CPS1: variants seen among roughly 807,000 people sequenced by gnomAD.
CPS1 encodes carbamoyl-phosphate synthase [ammonia], mitochondrial.
Under a neutral mutation model 174.6 loss-of-function variants are expected in CPS1, and 109 were observed. The ratio of observed to expected loss-of-function variants is 0.62; its 90% CI spans 0.53 to 0.73. The LOEUF (loss-of-function observed/expected upper bound fraction) is 0.73, where lower values mean the gene tolerates loss of function less well. Ranked by LOEUF, CPS1 falls within the 30% of genes least tolerant of loss-of-function variation. CPS1 has a pLI of 0.00. For missense variants in CPS1, 1,689 were observed against 1,821.9 expected (o/e 0.93, Z 1.33); for synonymous variants, 637 against 632.0 (o/e 1.01, Z -0.12).
intron 24 of CPS1, among the ~76,000 whole-genome samples, chr2:210,641,438 A>C (rs1700221339): frequency 2.0e-5 from 3 of 152,038 alleles, no homozygotes; most frequent in Admixed American, 1.3e-4. Flanking sequence ...CTTTTCTATA[A>C]CAGCATTAAT....
intron 1 of CPS1, among the ~76,000 whole-genome samples, chr2:210,499,619 T>G (rs1156956630): frequency 6.6e-6 from 1 of 152,350 alleles, no homozygotes; most frequent in South Asian, 2.1e-4. Flanking sequence ...GTCCTGGGTC[T>G]GAGAAAATGC....
intron 6 of CPS1, 21 bp from the exon 7 acceptor site, chr2:210,588,037 C>G (rs1395485264): frequency 6.2e-7 from 1 of 1,610,054 alleles, no homozygotes; most frequent in South Asian, 1.1e-5. Flanking sequence ...CCCTCTCATT[C>G]TCTGGTTTTT....
chr2:210,501,171 T>C (rs1695129584), intron 1 of CPS1, among the ~76,000 whole-genome samples: 1 of 152,088 alleles, frequency 6.6e-6, no homozygotes, highest in Non-Finnish European at 1.5e-5. Context: ...GCCCTGGACC[T>C]GGTCCCAGGA....
At chr2:210,501,208 G>A (rs1165258173) in intron 1 of CPS1, among the ~76,000 whole-genome samples, 4 of 152,036 alleles carry the variant, frequency 2.6e-5, no homozygotes, top group Non-Finnish European at 4.4e-5. Context: ...CAGGCCTCTG[G>A]GCCTATAATG....
In CPS1 at chr2:210,543,993, T is replaced by G. The variant is rs74728520; in HGVS notation, c.4-12726T>G. 3.2e-3 allele frequency among the ~76,000 whole-genome samples: 487 copies of G among 152,238 alleles called. 2 individuals carry two copies. The highest frequency in any genetic ancestry group is 8.3e-3 in the South Asian group (40 of 4,826). On this transcript the variant is annotated intron_variant, in intron 1 of 38. Coordinates refer to the CPS1 transcript ENST00000430249. ...TTTGTGTTCCTTTGGTGCTCTCTTC[T>G]GGGATCATAGGGCTTGATGGATATT...
chr2:210,534,933 A>G (rs190491890), intron 1 of CPS1, among the ~76,000 whole-genome samples: 1 of 152,276 alleles, frequency 6.6e-6, no homozygotes, highest in East Asian at 1.9e-4. Flanking sequence ...TTGCTGAGAC[A>G]TAGCAGTTCT....
At chr2:210,616,647 A>G in intron 21 of CPS1, 106 bp downstream of exon 21, 1 of 794,732 alleles carries the variant, frequency 1.3e-6, no homozygotes, top group Non-Finnish European at 2.2e-6. Context: ...TCAATGAGGT[A>G]GATAGTGCCA....
intron 21 of CPS1, among the ~76,000 whole-genome samples, chr2:210,624,412 G>A (rs529319549): frequency 2.7e-4 from 41 of 152,130 alleles, no homozygotes; most frequent in South Asian, 2.7e-3. Context: ...CATACTCCAA[G>A]CCATTTATAT....
At chr2:210,577,128 C>G (rs934518906) in intron 3 of CPS1, 33 of 423,032 alleles carry the variant, frequency 7.8e-5, no homozygotes, top group Non-Finnish European at 1.3e-4. Flanking sequence ...TGCATTAAGC[C>G]AGTAATTATT....
intron 1 of CPS1, among the ~76,000 whole-genome samples, chr2:210,496,660 A>G (rs1266880975): frequency 1.3e-5 from 2 of 152,070 alleles, no homozygotes; most frequent in African/African-American, 4.8e-5. Flanking sequence ...CCTACATAGA[A>G]CTTAACCTTA....
At chr2:210,611,992 G>A in intron 19 of CPS1, 125 bp from the exon 20 acceptor site, 3 of 784,438 alleles carry the variant, frequency 3.8e-6, no homozygotes, top group Non-Finnish European at 6.0e-6. Flanking sequence ...TTTAATTTGA[G>A]AGGCTTTATG....
At chr2:210,612,498 G>T (rs935979961) in intron 20 of CPS1, among the ~76,000 whole-genome samples, 2 of 151,668 alleles carry the variant, frequency 1.3e-5, no homozygotes, top group African/African-American at 4.8e-5. Context: ...ATTTTTATTT[G>T]ACTTTAAGCC....
intron 1 of CPS1, among the ~76,000 whole-genome samples, chr2:210,524,488 ATAAT>A (rs1237268804): frequency 3.9e-5 from 6 of 152,030 alleles, no homozygotes; most frequent in Non-Finnish European, 8.8e-5. Flanking sequence ...AAGTAGGACT[ATAAT>A]TAAGTAGTGG....
intron 34 of CPS1, among the ~76,000 whole-genome samples, chr2:210,671,251 G>A (rs1273791007): frequency 2.0e-5 from 3 of 152,096 alleles, no homozygotes; most frequent in African/African-American, 4.8e-5. Context: ...CTTCAGCATC[G>A]CTCAGAAACA....
At chr2:210,651,507 C>T (rs1374057866) in intron 28 of CPS1, among the ~76,000 whole-genome samples, 2 of 152,170 alleles carry the variant, frequency 1.3e-5, no homozygotes, top group African/African-American at 2.4e-5. Flanking sequence ...TATTTTATTC[C>T]TGGCCAGGGG....
At chr2:210,637,582 G>A (rs930039953) in intron 21 of CPS1, 120 bp from the exon 22 acceptor site, 1 of 1,034,934 alleles carries the variant, frequency 9.7e-7, no homozygotes. Flanking sequence ...AAGATAACAA[G>A]ACTTAAATAT....
chr2:210,663,221 A>C, intron 33 of CPS1, 24 bp downstream of exon 33: 2 of 1,594,250 alleles, frequency 1.3e-6, no homozygotes, highest in Non-Finnish European at 1.7e-6. Context: ...AATCCATGGA[A>C]GCTTTCATTA....
At chr2:210,651,467 C>T (rs77959324) in intron 28 of CPS1, among the ~76,000 whole-genome samples, 292 of 152,284 alleles carry the variant, frequency 1.9e-3, no homozygotes, top group African/African-American at 6.6e-3. Context: ...CCAGTTTTCA[C>T]TAATGGAGTG....
At chr2:210,549,973 G>A (rs1383186069) in intron 1 of CPS1, among the ~76,000 whole-genome samples, 2 of 151,960 alleles carry the variant, frequency 1.3e-5, no homozygotes, top group Non-Finnish European at 2.9e-5. Flanking sequence ...ATAACTTCAA[G>A]CAATAAGATG....
Sources: allele counts gnomAD v4.1 joint callset (sites outside exome capture counted in the v4.1 genomes callset), GRCh38; gene constraint gnomAD v4.1.1; transcripts MANE v1.5; gene names NCBI Gene and HGNC (gene_info 2026-07-23, HGNC 2026-07-21).